The following ANKRD36B variants were observed in gnomAD, a reference collection of about 807,000 sequenced individuals.
The protein encoded by ANKRD36B is ankyrin repeat domain 36B.
A neutral mutation model predicts 135.7 loss-of-function variants in ANKRD36B; 37 were observed. The ratio of observed to expected loss-of-function variants is 0.27; its 90% CI spans 0.21 to 0.36. The LOEUF (loss-of-function observed/expected upper bound fraction) is 0.36. Ranked by LOEUF, ANKRD36B falls within the 10% of genes least tolerant of loss-of-function variation. The probability of loss-of-function intolerance (pLI) is 1.00; values close to 1 mark genes in which losing one functional copy is unlikely to be tolerated. For missense variants in ANKRD36B, 549 were observed against 1,037.1 expected (o/e 0.53, Z 6.46); for synonymous variants, 179 against 348.1 (o/e 0.51, Z 5.41).
chr2:97,551,865 A>G (rs1417833028), intron 16 of ANKRD36B, among the ~76,000 whole-genome samples: 2 of 151,976 alleles, frequency 1.3e-5, no homozygotes, highest in Non-Finnish European at 2.9e-5. Flanking sequence ...CATGCAACAA[A>G]TCAAAAGGAT....
In ANKRD36B at chr2:97,526,748, G is replaced by A. The variant is rs1328557862; in HGVS notation, c.2266-3281C>T. On this transcript the variant is annotated intron_variant, in intron 35 of 43. Coordinates refer to ENST00000359901, the MANE Select transcript of ANKRD36B (RefSeq NM_001393939.1). ...CTGAAAGCGGAGGCTCGAGAACTACGTGAAGAATGCAGAAGCCTCAGAGGC... is the reference window on the plus strand; with the variant it reads ...CTGAAAGCGGAGGCTCGAGAACTACATGAAGAATGCAGAAGCCTCAGAGGC... Among the ~76,000 whole-genome samples, 2 of 97,382 alleles carry A rather than the reference G, an allele frequency of 2.1e-5. 1 individual carries two copies. Among genetic ancestry groups the A allele is most frequent in the Non-Finnish European group, 5.5e-5 (2 of 36,566 alleles). The allele number at this position is 97,382 out of a possible 152,430, so 63.9% of individuals were successfully genotyped here.
chr2:97,562,133 T>C (rs1455488898), intron 6 of ANKRD36B, among the ~76,000 whole-genome samples: 1 of 151,936 alleles, frequency 6.6e-6, no homozygotes, highest in Non-Finnish European at 1.5e-5. Flanking sequence ...TGCAAAAACA[T>C]ACACATCAAT....
In ANKRD36B at chr2:97,528,834, C is replaced by A. The variant is rs549046407; in HGVS notation, c.2265+3477G>T. 2.1e-5 allele frequency among the ~76,000 whole-genome samples: 2 copies of A among 95,592 alleles called. 1 individual carries two copies. The highest frequency in any genetic ancestry group is 5.5e-5 in the Non-Finnish European group (2 of 36,090). The allele number at this position is 95,592 out of a possible 152,430, so 62.7% of individuals were successfully genotyped here. A position where few individuals can be genotyped will look rare whatever the true frequency, so the allele number is the denominator to read the frequency against. ...ATGGATAAATTCCTGGACACATACA[C>A]CCTCCCAAGACTAAACCAGGAAGAA... On this transcript the variant is annotated intron_variant, in intron 35 of 43. Transcript: ENST00000359901.
At chr2:97,506,674 GCCTTAAATCACTA>G (rs1182038484) in intron 43 of ANKRD36B, among the ~76,000 whole-genome samples, 1 of 93,704 alleles carries the variant, frequency 1.1e-5, no homozygotes, top group Non-Finnish European at 3.6e-5. Context: ...GGGTCTCTTA[GCCTTAAATCACTA>G]CCTTAACCTT....
chr2:97,578,631 G>A (rs1352612155), intron 5 of ANKRD36B, among the ~76,000 whole-genome samples: 3 of 152,094 alleles, frequency 2.0e-5, no homozygotes, highest in Admixed American at 6.6e-5. Context: ...GGGTTATACT[G>A]GAAATAAAAT....
chr2:97,539,926 G>T, intron 30 of ANKRD36B, 108 bp downstream of exon 30: 2 of 481,776 alleles, frequency 4.2e-6, no homozygotes, highest in South Asian at 1.7e-5. Flanking sequence ...CAGGTCTGCA[G>T]AATCGGAATG....
chr2:97,567,696 G>C (rs1255933187), intron 6 of ANKRD36B, among the ~76,000 whole-genome samples: 1 of 152,118 alleles, frequency 6.6e-6, no homozygotes, highest in Non-Finnish European at 1.5e-5. Context: ...AAGATTCTGA[G>C]TAGTATGACA....
rs567139979 is a variant in ANKRD36B, at chr2:97,513,132, A to G, written c.2805+48T>C. Reference sequence around the variant, plus strand: ...GTTAAATGAAAGAGATGGTATAAGTAATATTAATAAGAGTAGAAATATGAA... The same window carrying G: ...GTTAAATGAAAGAGATGGTATAAGTGATATTAATAAGAGTAGAAATATGAA... On this transcript the variant is annotated intron_variant, in intron 38 of 43. Coordinates refer to ENST00000359901, the MANE Select transcript of ANKRD36B (RefSeq NM_001393939.1). 85 of 1,434,488 alleles carry G rather than the reference A, an allele frequency of 5.9e-5. 10 individuals carry two copies. The highest frequency in any genetic ancestry group is 7.4e-5 in the Non-Finnish European group (81 of 1,093,276). The allele number at this position is 1,434,488 out of a possible 1,614,324, so 88.9% of individuals were successfully genotyped here.
chr2:97,566,603 T>A (rs1187621588), intron 6 of ANKRD36B, among the ~76,000 whole-genome samples: 1 of 152,136 alleles, frequency 6.6e-6, no homozygotes, highest in Admixed American at 6.6e-5. Context: ...AATTGCAGTA[T>A]AAAATAGTCA....
chr2:97,553,569 CCTAA>C (rs749517651), intron 14 of ANKRD36B, among the ~76,000 whole-genome samples, 198 bp from the exon 15 acceptor site: 3 of 151,862 alleles, frequency 2.0e-5, no homozygotes, highest in Non-Finnish European at 4.4e-5. Flanking sequence ...ACGATACATT[CCTAA>C]CTATTTCAAA....
At chr2:97,576,142 G>T (rs112067088) in intron 6 of ANKRD36B, among the ~76,000 whole-genome samples, 1 of 150,554 alleles carries the variant, frequency 6.6e-6, no homozygotes, top group Non-Finnish European at 1.5e-5. Context: ...ACACAAAAAG[G>T]TCATCTAGAA....
intron 43 of ANKRD36B, among the ~76,000 whole-genome samples, chr2:97,496,833 G>GTGTATATATATATATATA (rs373304719): frequency 3.2e-5 from 2 of 62,084 alleles, no homozygotes; most frequent in African/African-American, 1.8e-4. Context: ...ATATGTGTGT[G>GTGTATATATATATATATA]TATATATATA....
Position 97,549,627 on chromosome 2 carries a change from A to G in ANKRD36B, c.1376-13T>C, listed in dbSNP as rs539277778. 7.3e-5 allele frequency: 118 copies of G among 1,607,696 alleles called. No individual in the cohort carries two copies. In the East Asian group the frequency reaches 2.6e-3, roughly 36 times the overall value. Reference sequence around the variant, plus strand: ...TTCTGAGAAGACACTGAAAAGCAAAAGGGATTCATAATCACTCATATGTAA... The same window carrying G: ...TTCTGAGAAGACACTGAAAAGCAAAGGGGATTCATAATCACTCATATGTAA... On this transcript the variant is annotated splice_polypyrimidine_tract_variant and intron_variant, in intron 18 of 43. Transcript: ENST00000359901.
chr2:97,531,560 A>G (rs1180985608), intron 35 of ANKRD36B, among the ~76,000 whole-genome samples: 1 of 95,488 alleles, frequency 1.0e-5, no homozygotes, highest in Non-Finnish European at 2.8e-5. Flanking sequence ...GTACAATAAT[A>G]ATAAAATAAA....
At chr2:97,566,919 G>A (rs1387212174) in intron 6 of ANKRD36B, among the ~76,000 whole-genome samples, 1 of 151,990 alleles carries the variant, frequency 6.6e-6, no homozygotes, top group Non-Finnish European at 1.5e-5. Context: ...ATCTACTTGG[G>A]GATTGTGTCA....
At chr2:97,579,420 T>G (rs2082436383) in intron 4 of ANKRD36B, among the ~76,000 whole-genome samples, 1 of 145,430 alleles carries the variant, frequency 6.9e-6, no homozygotes, top group South Asian at 2.1e-4. Context: ...ATAAGAGCTA[T>G]CTGCAGGCTT....
At chr2:97,528,381 A>G (rs2078344624) in intron 35 of ANKRD36B, among the ~76,000 whole-genome samples, 1 of 94,744 alleles carries the variant, frequency 1.1e-5, no homozygotes, top group African/African-American at 3.2e-5. Flanking sequence ...ACATACCAGA[A>G]TCTCTGGGAC....
rs377243129 is a variant in ANKRD36B, at chr2:97,534,463, ATT to A, written c.2191+1835_2191+1836del. ...GTAGTACCTTACATGTATAATTTCT[ATT>A]TCCTAAATTTGTGTTCCTTTCCCTC... On this transcript the variant is annotated intron_variant, in intron 34 of 43. Coordinates refer to ENST00000359901, the MANE Select transcript of ANKRD36B (RefSeq NM_001393939.1). 4.1e-4 allele frequency among the ~76,000 whole-genome samples: 40 copies of A among 96,622 alleles called. 9 individuals carry two copies. The East Asian group carries it at 6.0e-3, about 14-fold the overall frequency. 63.4% of individuals were successfully genotyped at this position (96,622 alleles called of 152,430 possible). A position where few individuals can be genotyped will look rare whatever the true frequency, so the allele number is the denominator to read the frequency against.
chr2:97,494,490 T>C (rs1009868773), intron 43 of ANKRD36B, among the ~76,000 whole-genome samples: 2 of 107,036 alleles, frequency 1.9e-5, no homozygotes, highest in Admixed American at 1.7e-4. Flanking sequence ...CAGTGAGAAC[T>C]CACTCATTAG....
Sources: allele counts gnomAD v4.1 joint callset (sites outside exome capture counted in the v4.1 genomes callset), GRCh38; gene constraint gnomAD v4.1.1; transcripts MANE v1.5; gene names NCBI Gene and HGNC (gene_info 2026-07-23, HGNC 2026-07-21).